BRINP3: variants seen among roughly 807,000 people sequenced by gnomAD.
BRINP3 encodes the protein BMP/retinoic acid inducible neural specific 3.
In BRINP3, 19 loss-of-function variants were observed where a neutral mutation model predicts 71.0. That is an observed-to-expected ratio of 0.27 (90% CI 0.19 to 0.39). BRINP3 has a LOEUF of 0.39. BRINP3 is among the 10% of genes least tolerant of loss of function. The pLI is 1.00. For synonymous variants in BRINP3, 380 were observed against 337.7 expected (o/e 1.13, Z -1.37); for missense variants, 959 against 940.8 (o/e 1.02, Z -0.25).
intron 2 of BRINP3, among the ~76,000 whole-genome samples, chr1:190,339,934 C>A (rs1469253328): frequency 1.3e-5 from 2 of 151,934 alleles, no homozygotes; most frequent in Non-Finnish European, 2.9e-5. Context: ...ATATTTTCAA[C>A]TAGGCTTCTA....
intron 1 of BRINP3, among the ~76,000 whole-genome samples, chr1:190,456,576 T>TA (rs1250370469): frequency 1.3e-5 from 2 of 151,938 alleles, no homozygotes; most frequent in Non-Finnish European, 1.5e-5. Context: ...ATTTTATATA[T>TA]TTTTTCTTAT....
At chr1:190,326,163 C>A (rs1431359183) in intron 2 of BRINP3, among the ~76,000 whole-genome samples, 1 of 152,002 alleles carries the variant, frequency 6.6e-6, no homozygotes, top group Non-Finnish European at 1.5e-5. Context: ...TATCAATAGA[C>A]CAGACCATAA....
At chr1:190,232,359 G>A (rs1267206871) in intron 5 of BRINP3, among the ~76,000 whole-genome samples, 1 of 151,944 alleles carries the variant, frequency 6.6e-6, no homozygotes, top group Non-Finnish European at 1.5e-5. Context: ...GTAGATGAGG[G>A]GTAGTACAAA....
rs141638227 is a variant in BRINP3, at chr1:190,212,521, G to A, written c.961+13561C>T. 4.2e-3 allele frequency among the ~76,000 whole-genome samples: 636 copies of A among 152,166 alleles called. 4 individuals are homozygous for A. Among genetic ancestry groups the A allele is most frequent in the Non-Finnish European group, 4.9e-3 (330 of 68,000 alleles). ...TATATATCCTCATCTGAGATTATAT[G>A]GATAGATGATACAGATTATGATGTT... is the stretch of plus-strand genomic sequence containing the variant. On this transcript the variant is annotated intron_variant, in intron 6 of 7. Transcript: ENST00000367462.
chr1:190,170,152 A>G (rs1039366721), intron 6 of BRINP3, among the ~76,000 whole-genome samples: 2 of 152,142 alleles, frequency 1.3e-5, no homozygotes, highest in Non-Finnish European at 2.9e-5. Context: ...ATCATATTCA[A>G]TCTCATAATA....
chr1:190,126,642 G>A (rs1654110031), intron 7 of BRINP3, among the ~76,000 whole-genome samples: 1 of 151,724 alleles, frequency 6.6e-6, no homozygotes, highest in South Asian at 2.1e-4. Context: ...TGGCCAGCTG[G>A]CCACATCTTT....
At position 190,465,626 on chromosome 1, in the gene BRINP3, C is replaced by A. The variant is rs558622374; in HGVS notation, c.-50-10686G>T. ...AATCCCCTCTTACCCCTAATGTTTT[C>A]TCTTAGTAATTTTCCATCCACTGAT... On this transcript the variant is annotated intron_variant, in intron 1 of 7. Transcript: ENST00000367462. Among the ~76,000 whole-genome samples, 5 of 151,942 alleles carry A rather than the reference C, an allele frequency of 3.3e-5. No homozygotes were observed. The South Asian group carries it at 1.0e-3, about 32-fold the overall frequency.
intron 3 of BRINP3, among the ~76,000 whole-genome samples, chr1:190,278,172 A>T (rs973422516): frequency 6.6e-6 from 1 of 151,732 alleles, no homozygotes; most frequent in Non-Finnish European, 1.5e-5. Context: ...AGTATTTTAT[A>T]GTCAACTTGT....
chr1:190,280,997 C>T (rs368980183), intron 3 of BRINP3, among the ~76,000 whole-genome samples: 1 of 151,844 alleles, frequency 6.6e-6, no homozygotes, highest in African/African-American at 2.4e-5. Flanking sequence ...AACAATATCA[C>T]ACAATAGCTT....
chr1:190,297,127 G>C (rs926793232), intron 2 of BRINP3, among the ~76,000 whole-genome samples: 4 of 151,750 alleles, frequency 2.6e-5, no homozygotes, highest in African/African-American at 9.7e-5. Flanking sequence ...AGCAAACCTA[G>C]AGACTTTATA....
chr1:190,446,614 A>C (rs1675235924), intron 2 of BRINP3, among the ~76,000 whole-genome samples: 1 of 152,104 alleles, frequency 6.6e-6, no homozygotes, highest in Admixed American at 6.6e-5. Flanking sequence ...TTTTTGTTTT[A>C]ATGCTTTTAA....
At chr1:190,317,580 T>C (rs2103041473) in intron 2 of BRINP3, among the ~76,000 whole-genome samples, 1 of 152,308 alleles carries the variant, frequency 6.6e-6, no homozygotes, top group African/African-American at 2.4e-5. Flanking sequence ...TCTTGGATTT[T>C]CAGTTATGCT....
At chr1:190,411,889 A>G (rs564743064) in intron 2 of BRINP3, among the ~76,000 whole-genome samples, 2 of 152,280 alleles carry the variant, frequency 1.3e-5, no homozygotes, top group Admixed American at 6.5e-5. Flanking sequence ...CAGCAAGTCA[A>G]TTTGTTCACA....
At chr1:190,099,297 T>TACACACACAC (rs56359524) in intron 7 of BRINP3, among the ~76,000 whole-genome samples, 163 bp from the exon 8 acceptor site, 135 of 149,436 alleles carry the variant, frequency 9.0e-4, no homozygotes, top group African/African-American at 3.2e-3. Context: ...GACTATATAA[T>TACACACACAC]ACACACACAC....
intron 4 of BRINP3, among the ~76,000 whole-genome samples, chr1:190,254,494 T>G: frequency 6.6e-6 from 1 of 152,190 alleles, no homozygotes; most frequent in Non-Finnish European, 1.5e-5. Context: ...TTCACATCCC[T>G]TGTAAGTTGG....
intron 2 of BRINP3, among the ~76,000 whole-genome samples, chr1:190,414,340 T>G (rs1200259437): frequency 6.6e-6 from 1 of 152,034 alleles, no homozygotes; most frequent in Non-Finnish European, 1.5e-5. Flanking sequence ...TCACTGTGTT[T>G]TTTTTTTGTT....
intron 7 of BRINP3, among the ~76,000 whole-genome samples, chr1:190,113,127 T>C (rs1220975865): frequency 2.6e-5 from 4 of 152,040 alleles, no homozygotes; most frequent in Non-Finnish European, 5.9e-5. Context: ...ATATTACCAA[T>C]TAAATATTTT....
At chr1:190,336,217 T>C (rs1019337866) in intron 2 of BRINP3, among the ~76,000 whole-genome samples, 1 of 152,060 alleles carries the variant, frequency 6.6e-6, no homozygotes, top group African/African-American at 2.4e-5. Context: ...CTAACAGTTC[T>C]ATTTAACAAT....
chr1:190,458,978 A>C (rs988147686), intron 1 of BRINP3, among the ~76,000 whole-genome samples: 7 of 151,926 alleles, frequency 4.6e-5, no homozygotes, highest in African/African-American at 1.7e-4. Context: ...ACAAAACATT[A>C]AAAACAATAC....
Sources: allele counts gnomAD v4.1 joint callset (sites outside exome capture counted in the v4.1 genomes callset), GRCh38; gene constraint gnomAD v4.1.1; transcripts MANE v1.5; gene names NCBI Gene and HGNC (gene_info 2026-07-23, HGNC 2026-07-21).